Variants in ZNF804B observed in about 807,000 individuals in gnomAD.
ZNF804B encodes zinc finger 804B.
Under a neutral mutation model 101.4 loss-of-function variants are expected in ZNF804B, and 80 were observed. The observed-to-expected ratio is 0.79, with a 90% CI of 0.66 to 0.95. ZNF804B has a LOEUF of 0.95. ZNF804B is among the 40% of genes least tolerant of loss of function. The pLI is 0.00. For missense variants in ZNF804B, 1,673 were observed against 1,561.9 expected, an observed-to-expected ratio of 1.07 and a Z score of -1.20; for synonymous variants, 622 against 558.8, an observed-to-expected ratio of 1.11 and a Z score of -1.59.
chr7:89,112,557 C>T (rs1172179902), intron 1 of ZNF804B, among the ~76,000 whole-genome samples: 1 of 152,128 alleles, frequency 6.6e-6, no homozygotes, highest in Non-Finnish European at 1.5e-5. Flanking sequence ...TTTTGTCAGT[C>T]TTCCAACTTT....
At chr7:88,902,939 A>G (rs1792414624) in intron 1 of ZNF804B, among the ~76,000 whole-genome samples, 1 of 152,040 alleles carries the variant, frequency 6.6e-6, no homozygotes, top group Non-Finnish European at 1.5e-5. Flanking sequence ...TTATGTTATT[A>G]TTTTTTAAAA....
At chr7:89,293,163 A>C (rs939749620) in intron 2 of ZNF804B, among the ~76,000 whole-genome samples, 4 of 151,758 alleles carry the variant, frequency 2.6e-5, no homozygotes, top group Non-Finnish European at 5.9e-5. Flanking sequence ...TTTTCTATTC[A>C]TTCTACAGTT....
intron 1 of ZNF804B, among the ~76,000 whole-genome samples, chr7:88,975,383 T>C (rs1406808618): frequency 1.3e-5 from 2 of 151,440 alleles, no homozygotes; most frequent in South Asian, 2.1e-4. Flanking sequence ...GTTACTAAGT[T>C]ACATTTTCAC....
At chr7:88,770,600 G>C (rs1790047784) in intron 1 of ZNF804B, among the ~76,000 whole-genome samples, 1 of 152,190 alleles carries the variant, frequency 6.6e-6, no homozygotes, top group African/African-American at 2.4e-5. Context: ...CCTTAACATG[G>C]ATGAATATTT....
intron 1 of ZNF804B, among the ~76,000 whole-genome samples, chr7:88,965,653 T>C (rs1408021738): frequency 1.3e-5 from 2 of 151,518 alleles, no homozygotes. Context: ...ATCATGTAAA[T>C]TGAATTCTAA....
intron 1 of ZNF804B, among the ~76,000 whole-genome samples, chr7:89,068,223 G>A (rs907746860): frequency 1.3e-5 from 2 of 150,816 alleles, no homozygotes; most frequent in East Asian, 3.9e-4. Context: ...AAAATACTGT[G>A]AGCATTTTCT....
rs146415518 is a variant in ZNF804B, at chr7:89,215,027, A to G, written c.109-3128A>G. On this transcript the variant is annotated intron_variant, in intron 1 of 3. Coordinates refer to ENST00000333190, the MANE Select transcript of ZNF804B (RefSeq NM_181646.5). ...AAAAATAATAGAGATTTCTATCCTTATAATTCAGTCTATGTTTGTATGTTT... is the reference window on the plus strand; with the variant it reads ...AAAAATAATAGAGATTTCTATCCTTGTAATTCAGTCTATGTTTGTATGTTT... Among the ~76,000 whole-genome samples, 373 of 152,296 alleles carry G rather than the reference A, an allele frequency of 2.4e-3. 2 individuals carry two copies. Among genetic ancestry groups the G allele is most frequent in the African/African-American group, 8.3e-3 (347 of 41,578 alleles).
intron 1 of ZNF804B, among the ~76,000 whole-genome samples, chr7:89,019,871 G>T (rs374762009): frequency 4.6e-5 from 7 of 152,060 alleles, no homozygotes; most frequent in African/African-American, 1.7e-4. Flanking sequence ...GTTTCATGTA[G>T]ACAGTATATA....
At position 89,173,185 on chromosome 7, in the gene ZNF804B, C is replaced by A. The variant is rs140754244; in HGVS notation, c.109-44970C>A. ...TATGTGAAACATGTGTCTGGCTCTC[C>A]TTATAAAGTTAGATTCAACATTATG... On this transcript the variant is annotated intron_variant, in intron 1 of 3. Transcript: ENST00000333190. Among the ~76,000 whole-genome samples the A allele has an allele frequency of 3.0e-4, 45 of 152,204 alleles. No individual in the cohort carries two copies. The East Asian group carries it at 8.5e-3, about 29-fold the overall frequency.
At chr7:89,092,990 T>C (rs531649908) in intron 1 of ZNF804B, among the ~76,000 whole-genome samples, 1 of 152,340 alleles carries the variant, frequency 6.6e-6, no homozygotes, top group East Asian at 1.9e-4. Context: ...TACTAAATCA[T>C]ACATATACAT....
intron 1 of ZNF804B, among the ~76,000 whole-genome samples, chr7:88,938,292 A>T (rs925098401): frequency 6.6e-6 from 1 of 152,036 alleles, no homozygotes; most frequent in Non-Finnish European, 1.5e-5. Flanking sequence ...GAGAAAATAG[A>T]TGACAAGTGT....
At chr7:89,140,014 G>A (rs1790693182) in intron 1 of ZNF804B, among the ~76,000 whole-genome samples, 1 of 152,022 alleles carries the variant, frequency 6.6e-6, no homozygotes, top group South Asian at 2.1e-4. Flanking sequence ...ACTTGAAAGT[G>A]CAAATTACTT....
chr7:89,336,127 A>G lies in ZNF804B; in HGVS notation c.3145A>G (p.Lys1049Glu). The G allele has an allele frequency of 1.2e-6, 2 of 1,613,954 alleles. No homozygotes were observed. The highest frequency in any genetic ancestry group is 2.2e-5 in the East Asian group (1 of 44,840). Residue 1049 changes from lysine to glutamate, a missense_variant, in exon 4 of 4, where the codon AAA (lysine) becomes GAA (glutamate). Lys to Glu is a moderately conservative substitution (Grantham distance 56). Transcript: ENST00000333190. ...SLNIKRDATTKEQSKPLISEI... is the reference protein window; with the variant it reads ...SLNIKRDATTEEQSKPLISEI... ...AAACATAAAAAGGGATGCAACAACAAAAGAACAATCAAAACCTTTAATTAG... is the reference window on the plus strand; with the variant it reads ...AAACATAAAAAGGGATGCAACAACAGAAGAACAATCAAAACCTTTAATTAG...
chr7:89,074,987 A>G (rs1313108421), intron 1 of ZNF804B, among the ~76,000 whole-genome samples: 4 of 152,176 alleles, frequency 2.6e-5, no homozygotes, highest in African/African-American at 9.7e-5. Context: ...TTTGAACTTG[A>G]GAAAGATGAT....
intron 2 of ZNF804B, among the ~76,000 whole-genome samples, chr7:89,228,411 C>A (rs563911994): frequency 6.6e-6 from 1 of 152,184 alleles, no homozygotes; most frequent in South Asian, 2.1e-4. Flanking sequence ...TTTAGCAGGG[C>A]GCTGATTGGT....
intron 1 of ZNF804B, among the ~76,000 whole-genome samples, chr7:89,186,873 C>G (rs1374749482): frequency 6.6e-6 from 1 of 152,096 alleles, no homozygotes; most frequent in African/African-American, 2.4e-5. Context: ...AATCATTTTT[C>G]TTCTGCTCAC....
chr7:89,285,885 T>TTAGAAAAAAAAAGCCACAAAG (rs1790189534), intron 2 of ZNF804B, among the ~76,000 whole-genome samples: 1 of 152,004 alleles, frequency 6.6e-6, no homozygotes, highest in African/African-American at 2.4e-5. Flanking sequence ...CTTTTGCCTC[T>TTAGAAAAAAAAAGCCACAAAG]GTCACCCTGA....
chr7:88,860,757 C>T (rs567699332), intron 1 of ZNF804B, among the ~76,000 whole-genome samples: 2 of 152,016 alleles, frequency 1.3e-5, no homozygotes, highest in East Asian at 1.9e-4. Context: ...ACTACATTAA[C>T]CAATGTGAGA....
chr7:89,220,083 A>ATG lies in ZNF804B; in HGVS notation c.249+1789_249+1790insGT, dbSNP rs1491466763. Among the ~76,000 whole-genome samples the ATG allele has an allele frequency of 4.1e-3, 138 of 34,048 alleles. 33 individuals carry two copies. Among genetic ancestry groups the ATG allele is most frequent in the African/African-American group, 9.3e-3 (82 of 8,804 alleles). The allele number at this position is 34,048 out of a possible 152,430, so 22.3% of individuals were successfully genotyped here. ...TATACGCACATATATGTGTATATAC[A>ATG]TATATATACGCACATATATATGTGT... On this transcript the variant is annotated intron_variant, in intron 2 of 3. Transcript: ENST00000333190.
Sources: gnomAD v4.1 joint callset for allele counts (sites outside exome capture counted in the v4.1 genomes callset) on GRCh38, gnomAD v4.1.1 for gene constraint, MANE v1.5 for transcripts, NCBI Gene and HGNC (gene_info 2026-07-23, HGNC 2026-07-21) for gene names.